NAPG: variants seen among roughly 807,000 people sequenced by gnomAD.
NAPG encodes the protein gamma-soluble NSF attachment protein.
NAPG carries 25 observed loss-of-function variants against 48.4 expected under a neutral mutation model. The observed-to-expected ratio is 0.52, with a 90% confidence interval of 0.38 to 0.72. The LOEUF is 0.72. NAPG is among the 30% of genes least tolerant of loss of function. The pLI, the probability that NAPG is intolerant of heterozygous loss-of-function variation, is 0.00. For synonymous variants in NAPG, 139 were observed against 127.2 expected, an observed-to-expected ratio of 1.09 and a Z score of -0.62; for missense variants, 359 against 372.5, an observed-to-expected ratio of 0.96 and a Z score of 0.30.
At position 10,537,728 on chromosome 18, in the gene NAPG, T is replaced by C. The variant is rs191502949; in HGVS notation, c.259-2034T>C. ...TAGACTCGGATTCTTTCATTGACTT[T>C]TGGTTTTATAACAAAAAAAGTATTG... is the stretch of plus-strand genomic sequence containing the variant. On this transcript the variant is annotated intron_variant, in intron 5 of 11. Coordinates refer to ENST00000322897, the MANE Select transcript of NAPG (RefSeq NM_003826.3). 2.4e-3 allele frequency among the ~76,000 whole-genome samples: 370 copies of C among 152,364 alleles called. 2 individuals are homozygous for C. Among genetic ancestry groups the C allele is most frequent in the Admixed American group, 4.9e-3 (75 of 15,308 alleles).
At chr18:10,527,300 T>A (rs1334723297) in intron 1 of NAPG, among the ~76,000 whole-genome samples, 1 of 152,124 alleles carries the variant, frequency 6.6e-6, no homozygotes, top group Non-Finnish European at 1.5e-5. Context: ...AAATAGAGAT[T>A]CTAATTTTTC....
rs75965074 is a variant in NAPG, at chr18:10,544,350, C to T, written c.507-1976C>T. Among the ~76,000 whole-genome samples the T allele has an allele frequency of 7.2e-5, 11 of 152,228 alleles. No homozygotes were observed. Among genetic ancestry groups the T allele is most frequent in the South Asian group, 2.1e-4 (1 of 4,816 alleles). On this transcript the variant is annotated intron_variant, in intron 8 of 11. Coordinates refer to ENST00000322897, the MANE Select transcript of NAPG (RefSeq NM_003826.3). This position sits in a 1 kb window ranked among gnomAD's most constrained non-coding sequence, Gnocchi z 5.1. Reference sequence around the variant, plus strand: ...TAGCAGAGCTAGGGTCTCACCAGGCCGAAATGAAGGTGTCGGAGGGGGCTG... The same window carrying T: ...TAGCAGAGCTAGGGTCTCACCAGGCTGAAATGAAGGTGTCGGAGGGGGCTG...
chr18:10,541,576 G>A (rs1479086756), intron 8 of NAPG, among the ~76,000 whole-genome samples: 5 of 152,126 alleles, frequency 3.3e-5, no homozygotes, highest in African/African-American at 4.8e-5. Context: ...GTGAGCAGGG[G>A]CCCCATGTCT....
At chr18:10,532,290 T>A (rs1480933618) in intron 2 of NAPG, among the ~76,000 whole-genome samples, 1 of 152,206 alleles carries the variant, frequency 6.6e-6, no homozygotes, top group Admixed American at 6.5e-5. Flanking sequence ...CTGTTAAATG[T>A]GCTTATTGGC....
rs1029154302 is a variant in NAPG at position 10,544,569 on chromosome 18, T to G, written c.507-1757T>G. Among the ~76,000 whole-genome samples the G allele has an allele frequency of 6.6e-6, 1 of 152,192 alleles. No individual in the cohort carries two copies. The highest frequency in any genetic ancestry group is 2.4e-5 in the African/African-American group (1 of 41,430). On this transcript the variant is annotated intron_variant, in intron 8 of 11. Transcript: ENST00000322897. This position sits in a 1 kb window ranked among gnomAD's most constrained non-coding sequence, Gnocchi z 5.1. ...TCACAGCATGGCAGTTTGCTGCTAA[T>G]TCGAGACATCAGGAGTACTCTGGCC...
intron 1 of NAPG, among the ~76,000 whole-genome samples, chr18:10,530,150 T>A (rs2031898117): frequency 6.6e-6 from 1 of 151,604 alleles, no homozygotes; most frequent in Admixed American, 6.6e-5. Context: ...TCCTTCCCTT[T>A]CTGATTATCC....
At chr18:10,549,953 C>T in intron 11 of NAPG, 124 bp from the exon 12 acceptor site, 1 of 1,009,002 alleles carries the variant, frequency 9.9e-7, no homozygotes, top group Non-Finnish European at 1.3e-6. Flanking sequence ...CTTTGTTTTT[C>T]CATCTGAATG....
In NAPG at chr18:10,550,100, G is replaced by T; in HGVS notation, c.819G>T (p.Leu273Phe). The stretch of plus-strand genomic sequence containing the variant: ...AGTATGCTAAGCTGGGCCTGAGTTT[G>T]GTGGTTCCAGGAGGGGGAATCAAGA... ...DNDYAKLGLSLVVPGGGIKKK... is the reference protein window; with the variant it reads ...DNDYAKLGLSFVVPGGGIKKK... Residue 273 changes from leucine (L) to phenylalanine (F), a missense_variant, in exon 12 of 12, where the codon TTG (leucine) becomes TTT (phenylalanine). Transcript: ENST00000322897. 1 of 1,568,846 alleles carries T rather than the reference G, an allele frequency of 6.4e-7. No individual in the cohort carries two copies. The highest frequency in any genetic ancestry group is 8.6e-7 in the Non-Finnish European group (1 of 1,162,612).
At position 10,526,129 on chromosome 18, in the gene NAPG, G is replaced by A. The variant is rs373057569; in HGVS notation, c.27G>A (p.Gly9=). Residue 9 remains glycine, a synonymous_variant, in exon 1 of 12, where the codon GGG becomes GGA. Transcript: ENST00000322897. MAAQKINE[G]LEHLAKAEKY... ...TGGCGGCTCAGAAGATAAACGAGGGGCTGGAACACCTCGCCAAAGCAGAGA... is the reference window on the plus strand; with the variant it reads ...TGGCGGCTCAGAAGATAAACGAGGGACTGGAACACCTCGCCAAAGCAGAGA... The A allele has an allele frequency of 1.2e-6, 2 of 1,613,610 alleles. No homozygotes were observed. Among genetic ancestry groups the A allele is most frequent in the Non-Finnish European group, 1.7e-6 (2 of 1,179,736 alleles).
At chr18:10,526,246 G>GGGGGGGT in intron 1 of NAPG, 88 bp downstream of exon 1, 1 of 490,184 alleles carries the variant, frequency 2.0e-6, no homozygotes, top group Non-Finnish European at 4.2e-6. Flanking sequence ...GGGCGGGAGG[G>GGGGGGGT]AGGGCTCAGG....
intron 5 of NAPG, among the ~76,000 whole-genome samples, chr18:10,536,820 G>A (rs2032042644): frequency 6.6e-6 from 1 of 152,012 alleles, no homozygotes; most frequent in African/African-American, 2.4e-5. Flanking sequence ...CATTATATAT[G>A]TAATTAGTGG....
chr18:10,536,544 G>A (rs73392634), intron 5 of NAPG, among the ~76,000 whole-genome samples: 2,862 of 152,274 alleles, frequency 0.019, 90 homozygotes, highest in African/African-American at 0.064. Flanking sequence ...CATATTTATG[G>A]TGGAGGGTAT....
intron 8 of NAPG, among the ~76,000 whole-genome samples, chr18:10,545,648 G>A (rs1299010348): frequency 6.6e-6 from 1 of 152,216 alleles, no homozygotes; most frequent in Non-Finnish European, 1.5e-5. Flanking sequence ...ATTAGGGCTG[G>A]GGGAATGAGA....
At chr18:10,532,596 TC>T in intron 2 of NAPG, 114 bp from the exon 3 acceptor site, 1 of 716,310 alleles carries the variant, frequency 1.4e-6, no homozygotes, top group East Asian at 2.9e-5. Flanking sequence ...TTAGGATACT[TC>T]CTAAGTATTT....
At position 10,534,404 on chromosome 18, in the gene NAPG, A is replaced by G. The variant is rs772522623; in HGVS notation, c.228-62A>G. 7.4e-6 allele frequency: 11 copies of G among 1,485,892 alleles called. No homozygotes were observed. The highest frequency in any genetic ancestry group is 1.0e-5 in the Non-Finnish European group (11 of 1,065,772). The allele number at this position is 1,485,892 out of a possible 1,614,324, so 92.0% of individuals were successfully genotyped here. ...TTCCTTACCAGTAGTTCCTCACCAG[A>G]AAGTTTCTTCTACCCCTTATTTCGT... On this transcript the variant is annotated intron_variant, in intron 4 of 11. Coordinates refer to ENST00000322897, the MANE Select transcript of NAPG (RefSeq NM_003826.3). The surrounding 1 kb of genome is among the most constrained non-coding windows in gnomAD (Gnocchi z 5.0).
At chr18:10,526,250 G>A in intron 1 of NAPG, 92 bp downstream of exon 1, 2 of 686,664 alleles carry the variant, frequency 2.9e-6, no homozygotes. Flanking sequence ...GGGAGGGAGG[G>A]CTCAGGGCTG....
rs915315863 is a variant in NAPG at position 10,548,952 on chromosome 18, T to A, written c.666-15T>A. On this transcript the variant is annotated splice_polypyrimidine_tract_variant and intron_variant, in intron 10 of 11. Coordinates refer to ENST00000322897, the MANE Select transcript of NAPG (RefSeq NM_003826.3). This position sits in a 1 kb window ranked among gnomAD's most constrained non-coding sequence, Gnocchi z 4.4. ...TAAGGAGAAGGTGAAGACGTGTGAT[T>A]TGTGCTTACTGCAGCATCCCTGGGT... 8.1e-6 allele frequency: 13 copies of A among 1,611,440 alleles called. No individual in the cohort carries two copies. Among genetic ancestry groups the A allele is most frequent in the Non-Finnish European group, 1.1e-5 (13 of 1,178,420 alleles).
intron 1 of NAPG, among the ~76,000 whole-genome samples, chr18:10,530,009 T>C (rs945127177): frequency 1.3e-5 from 2 of 152,170 alleles, no homozygotes; most frequent in Non-Finnish European, 2.9e-5. Context: ...TCTGAAATTA[T>C]TTTAAAATAA....
intron 1 of NAPG, 81 bp downstream of exon 1, chr18:10,526,239 C>CCTTCCCCCCGGGGGGGGGGG: frequency 2.9e-6 from 1 of 349,040 alleles, no homozygotes; most frequent in East Asian, 6.8e-5. Flanking sequence ...CCGGGGGGGG[C>CCTTCCCCCCGGGGGGGGGGG]GGGAGGGAGG....
Sources: gnomAD v4.1 joint callset for allele counts (sites outside exome capture counted in the v4.1 genomes callset) on GRCh38, gnomAD v4.1.1 for gene constraint, Gnocchi (gnomAD v3.1) non-coding constraint, MANE v1.5 for transcripts, NCBI Gene and HGNC (gene_info 2026-07-23, HGNC 2026-07-21) for gene names.